Variants in HMCN1 observed in about 807,000 individuals in gnomAD.
The protein encoded by HMCN1 is hemicentin-1.
In HMCN1, 321 loss-of-function variants were observed where a neutral mutation model predicts 625.9. The ratio of observed to expected loss-of-function variants is 0.51; its 90% CI spans 0.47 to 0.56. HMCN1 has a LOEUF of 0.56. HMCN1 is among the 20% of genes least tolerant of loss of function. HMCN1 has a pLI of 0.00. For missense variants in HMCN1, 6,588 were observed against 6,887.3 expected (o/e 0.96, Z 1.54); for synonymous variants, 2,425 against 2,417.6 (o/e 1.00, Z -0.09).
At chr1:186,115,619 T>C (rs1661098497) in intron 75 of HMCN1, among the ~76,000 whole-genome samples, 2 of 152,312 alleles carry the variant, frequency 1.3e-5, no homozygotes, top group African/African-American at 4.8e-5. Flanking sequence ...ACATAAACCC[T>C]GTGGATGAAT....
At position 185,928,542 on chromosome 1, in the gene HMCN1, C is replaced by A. The variant is rs1353522509; in HGVS notation, c.1431-4C>A. 1 of 1,612,434 alleles carries A rather than the reference C, an allele frequency of 6.2e-7. No individual in the cohort carries two copies. Among genetic ancestry groups the A allele is most frequent in the Admixed American group, 1.7e-5 (1 of 59,992 alleles). ...CTAAAAGTTTTCCATTTTCTTACCT[C>A]CAGAGAATCTGCCAGTGTGAACTTA... is the stretch of plus-strand genomic sequence containing the variant. On this transcript the variant is annotated splice_region_variant and splice_polypyrimidine_tract_variant and intron_variant, in intron 9 of 106. Coordinates refer to ENST00000271588, the MANE Select transcript of HMCN1 (RefSeq NM_031935.3).
At chr1:185,895,646 A>G (rs190814085) in intron 4 of HMCN1, among the ~76,000 whole-genome samples, 87 of 152,330 alleles carry the variant, frequency 5.7e-4, no homozygotes, top group Non-Finnish European at 4.3e-4. Context: ...AAAATCACCA[A>G]GGGATCAGTG....
intron 2 of HMCN1, among the ~76,000 whole-genome samples, chr1:185,853,714 T>C (rs1662299123): frequency 6.6e-6 from 1 of 152,212 alleles, no homozygotes; most frequent in Non-Finnish European, 1.5e-5. Flanking sequence ...GATATTGTAA[T>C]GATCTTTTGT....
chr1:185,747,070 A>C (rs1278262926), intron 1 of HMCN1, among the ~76,000 whole-genome samples: 2 of 152,194 alleles, frequency 1.3e-5, no homozygotes, highest in Admixed American at 6.5e-5. Flanking sequence ...TGGAGGACAT[A>C]ATTCAACTCA....
At chr1:185,764,819 T>C (rs1655762697) in intron 1 of HMCN1, among the ~76,000 whole-genome samples, 1 of 152,222 alleles carries the variant, frequency 6.6e-6, no homozygotes, top group African/African-American at 2.4e-5. Flanking sequence ...CAGTGTTTAA[T>C]TTTAATGAGA....
At chr1:186,120,941 A>G (rs1392740102) in intron 80 of HMCN1, among the ~76,000 whole-genome samples, 1 of 152,238 alleles carries the variant, frequency 6.6e-6, no homozygotes, top group East Asian at 1.9e-4. Flanking sequence ...GAGGAAAAGC[A>G]AAAGACTGAG....
intron 24 of HMCN1, among the ~76,000 whole-genome samples, chr1:185,996,129 G>A (rs1051280527): frequency 6.6e-6 from 1 of 152,136 alleles, no homozygotes; most frequent in Non-Finnish European, 1.5e-5. Context: ...TCATGACTAT[G>A]TAATTAGACA....
chr1:186,179,367 C>T (rs1289346170), intron 104 of HMCN1, among the ~76,000 whole-genome samples: 2 of 152,128 alleles, frequency 1.3e-5, no homozygotes, highest in Admixed American at 6.6e-5. Context: ...TATCTAAATT[C>T]ACAAGTCTAT....
rs1014582128 is a variant in HMCN1 at position 186,003,723 on chromosome 1, C to T, written c.4354C>T (p.Pro1452Ser). The T allele has an allele frequency of 1.2e-6, 2 of 1,613,200 alleles. No individual in the cohort carries two copies. The highest frequency in any genetic ancestry group is 1.7e-4 in the Middle Eastern group (1 of 6,056). The part of the protein sequence containing the change: ...KYFNIDVLVP[P>S]TIIGTNFPNE... ...ATACACTGTCTTTGTTCAAGTTCCA[C>T]CCACCATAATAGGTACCAACTTCCC... Residue 1452 changes from proline to serine, a missense_variant, in exon 29 of 107, where the codon CCC becomes TCC. Coordinates refer to ENST00000271588, the MANE Select transcript of HMCN1 (RefSeq NM_031935.3).
At chr1:186,062,467 G>A in intron 47 of HMCN1, 47 bp from the exon 48 acceptor site, 1 of 1,115,180 alleles carries the variant, frequency 9.0e-7, no homozygotes, top group South Asian at 1.2e-5. Flanking sequence ...TAAAATAGCA[G>A]CTTTGCTGTT....
rs759845406 is a variant in HMCN1 at position 185,970,329 on chromosome 1, A to G, written c.2213-6A>G. On this transcript the variant is annotated splice_polypyrimidine_tract_variant and splice_region_variant and intron_variant, in intron 14 of 106. Transcript: ENST00000271588. ...GTTTAATGTTCTCCCCTTTGTTTTG[A>G]CTTAGGAGATCTTGAGTTGAGGCCC... is the stretch of plus-strand genomic sequence containing the variant. 18 of 1,612,262 alleles carry G rather than the reference A, an allele frequency of 1.1e-5. No homozygotes were observed.
chr1:185,967,028 T>C (rs1403573668), intron 14 of HMCN1, among the ~76,000 whole-genome samples: 1 of 152,188 alleles, frequency 6.6e-6, no homozygotes, highest in Non-Finnish European at 1.5e-5. Context: ...TAACATAAAC[T>C]AATTTTACTT....
chr1:186,122,155 G>A (rs553764934), intron 80 of HMCN1, among the ~76,000 whole-genome samples: 61 of 152,230 alleles, frequency 4.0e-4, no homozygotes, highest in African/African-American at 1.4e-3. Flanking sequence ...AAAAGCAATC[G>A]GAGATAATTG....
intron 10 of HMCN1, among the ~76,000 whole-genome samples, chr1:185,929,451 T>A (rs2102488986): frequency 6.6e-6 from 1 of 152,284 alleles, no homozygotes; most frequent in East Asian, 1.9e-4. Flanking sequence ...TGATCAGGAT[T>A]AAGCCATTTA....
rs1661193304 is a variant in HMCN1 at position 186,117,551 on chromosome 1, C to G, written c.11776C>G (p.Pro3926Ala). The G allele has an allele frequency of 6.2e-7, 1 of 1,613,710 alleles. No homozygotes were observed. Among genetic ancestry groups the G allele is most frequent in the African/African-American group, 1.3e-5 (1 of 74,882 alleles). Reference protein sequence around the residue: ...ITCTASGVPFPSIHWTKNGIR... With the variant: ...ITCTASGVPFASIHWTKNGIR... ...CTGCACTGCTTCGGGAGTTCCATTT[C>G]CCTCAATTCACTGGACCAAAAATGG... is the stretch of plus-strand genomic sequence containing the variant. Residue 3926 changes from proline (P) to alanine (A), a missense_variant, in exon 77 of 107, where the codon CCC becomes GCC. Physicochemically the swap from Pro to Ala is conservative, Grantham distance 27. Transcript: ENST00000271588.
intron 2 of HMCN1, among the ~76,000 whole-genome samples, chr1:185,851,545 C>A (rs1662161993): frequency 6.6e-6 from 1 of 152,114 alleles, no homozygotes; most frequent in Non-Finnish European, 1.5e-5. Flanking sequence ...AACTTGAAAA[C>A]AACTGTGCTT....
In HMCN1 at chr1:186,016,319, C is replaced by A. The variant is rs550951968; in HGVS notation, c.5191+80C>A. 3.6e-5 allele frequency: 48 copies of A among 1,350,498 alleles called. No individual in the cohort carries two copies. The East Asian group carries it at 1.1e-3, about 31-fold the overall frequency. The allele number at this position is 1,350,498 out of a possible 1,614,324, so 83.7% of individuals were successfully genotyped here. On this transcript the variant is annotated intron_variant, in intron 32 of 106. Transcript: ENST00000271588. ...TTTGTTAAATACTTTTTTGTTCATG[C>A]AATAATAAAACAATCTAAAAGAAGG... is the stretch of plus-strand genomic sequence containing the variant.
At chr1:186,085,739 C>T (rs1377268323) in intron 57 of HMCN1, among the ~76,000 whole-genome samples, 3 of 152,006 alleles carry the variant, frequency 2.0e-5, no homozygotes, top group African/African-American at 7.2e-5. Context: ...CCATTTCTTT[C>T]TTCCTTCTTG....
intron 4 of HMCN1, among the ~76,000 whole-genome samples, chr1:185,891,946 A>C (rs1353015157): frequency 1.3e-5 from 2 of 149,702 alleles, no homozygotes; most frequent in African/African-American, 5.1e-5. Flanking sequence ...TTTTAGGTAC[A>C]CCAATCAGAT....
Sources: gnomAD v4.1 joint callset for allele counts (sites outside exome capture counted in the v4.1 genomes callset) on GRCh38, gnomAD v4.1.1 for gene constraint, MANE v1.5 for transcripts, NCBI Gene and HGNC (gene_info 2026-07-23, HGNC 2026-07-21) for gene names.